The following STK38 variants were observed in gnomAD, a reference collection of about 807,000 sequenced individuals.
STK38 encodes the protein serine/threonine-protein kinase 38.
Under a neutral mutation model 59.0 loss-of-function variants are expected in STK38, and 26 were observed. That is an observed-to-expected ratio of 0.44 (90% CI 0.32 to 0.61). STK38 has a LOEUF of 0.61. STK38 is among the 20% of genes least tolerant of loss of function. The pLI is 0.04. For synonymous variants in STK38, 175 were observed against 176.6 expected, an observed-to-expected ratio of 0.99 and a Z score of 0.07; for missense variants, 433 against 566.0, an observed-to-expected ratio of 0.76 and a Z score of 2.38.
chr6:36,524,318 T>C (rs775118736), intron 4 of STK38, 23 bp downstream of exon 4: 8 of 1,592,054 alleles, frequency 5.0e-6, no homozygotes, highest in Non-Finnish European at 6.8e-6. Flanking sequence ...TTTTTCTACT[T>C]GACAAGTAGC....
In STK38 at chr6:36,537,078, TA is replaced by T. The variant is rs375158631; in HGVS notation, c.131+2993del. Among the ~76,000 whole-genome samples, 427 of 152,116 alleles carry T rather than the reference TA, an allele frequency of 2.8e-3. 1 individual carries two copies. Among genetic ancestry groups the T allele is most frequent in the South Asian group, 6.6e-3 (32 of 4,828 alleles). On this transcript the variant is annotated intron_variant, in intron 2 of 13. Transcript: ENST00000229812. ...ACAAAGAACTCCTGCAACTCAATAATAAAGACAACTCCATTTTTTTAAATGC... is the reference window on the plus strand; with the variant it reads ...ACAAAGAACTCCTGCAACTCAATAATAAGACAACTCCATTTTTTTAAATGC...
chr6:36,542,457 A>G (rs1403764947), intron 1 of STK38, among the ~76,000 whole-genome samples: 2 of 152,224 alleles, frequency 1.3e-5, no homozygotes, highest in Admixed American at 1.3e-4. Flanking sequence ...ATGTGTTTAG[A>G]TAAGTTATAG....
chr6:36,504,570 G>C (rs1020597825), intron 9 of STK38, among the ~76,000 whole-genome samples: 1 of 152,150 alleles, frequency 6.6e-6, no homozygotes, highest in African/African-American at 2.4e-5. Context: ...GAGATAATAT[G>C]AAGATGACCT....
intron 4 of STK38, among the ~76,000 whole-genome samples, chr6:36,523,320 T>C (rs1307019612): frequency 7.0e-6 from 1 of 141,890 alleles, no homozygotes; most frequent in Non-Finnish European, 1.5e-5. Flanking sequence ...TGGAGTGCAA[T>C]GGTGCAATCT....
At chr6:36,500,948 T>C (rs996841899) in intron 9 of STK38, among the ~76,000 whole-genome samples, 1 of 151,892 alleles carries the variant, frequency 6.6e-6, no homozygotes, top group Admixed American at 6.6e-5. Flanking sequence ...TGTATATAGT[T>C]CTTGGAGGAA....
Position 36,495,934 on chromosome 6 carries a change from G to A in STK38, c.1268-20C>T, listed in dbSNP as rs1582397150. The A allele has an allele frequency of 1.2e-6, 2 of 1,613,054 alleles. No homozygotes were observed. Among genetic ancestry groups the A allele is most frequent in the South Asian group, 1.1e-5 (1 of 90,996 alleles). On this transcript the variant is annotated intron_variant, in intron 13 of 13. Transcript: ENST00000229812. The stretch of plus-strand genomic sequence containing the variant: ...TGGCCACTGGGAAAGAAATAGATGT[G>A]AGAGTTGATTCACTGCCTTGCCTCC...
intron 1 of STK38, among the ~76,000 whole-genome samples, chr6:36,545,890 A>C (rs1778043639): frequency 6.6e-6 from 1 of 152,246 alleles, no homozygotes; most frequent in African/African-American, 2.4e-5. Context: ...AAGGAAGTCA[A>C]ATGAAAACCA....
chr6:36,498,271 A>G, intron 11 of STK38, 92 bp downstream of exon 11: 7 of 1,492,152 alleles, frequency 4.7e-6, no homozygotes, highest in African/African-American at 1.4e-5. Context: ...GGAAACAGAA[A>G]GCAGATTCAG....
At chr6:36,499,800 A>T in intron 10 of STK38, 73 bp downstream of exon 10, 1 of 1,221,758 alleles carries the variant, frequency 8.2e-7, no homozygotes, top group Non-Finnish European at 1.2e-6. Context: ...TGCCAATTGA[A>T]ACAGAGGCTG....
At chr6:36,502,196 G>A (rs898252154) in intron 9 of STK38, among the ~76,000 whole-genome samples, 1 of 152,000 alleles carries the variant, frequency 6.6e-6, no homozygotes, top group African/African-American at 2.4e-5. Context: ...GGGCTGGAGT[G>A]CAGTGGTATG....
intron 4 of STK38, among the ~76,000 whole-genome samples, chr6:36,523,949 C>A (rs947414938): frequency 2.6e-5 from 4 of 152,082 alleles, no homozygotes; most frequent in Non-Finnish European, 4.4e-5. Flanking sequence ...ACTTTTGGTC[C>A]CAGTACTCAA....
chr6:36,508,134 CTG>C (rs1312131765), intron 7 of STK38, among the ~76,000 whole-genome samples: 2 of 152,052 alleles, frequency 1.3e-5, no homozygotes, highest in East Asian at 1.9e-4. Flanking sequence ...CAAGGTTTCC[CTG>C]TGTTTCCCAG....
chr6:36,521,387 T>G (rs1777371964), intron 5 of STK38, among the ~76,000 whole-genome samples: 1 of 152,106 alleles, frequency 6.6e-6, no homozygotes. Context: ...ACAATTTCTA[T>G]TTCTCAGCAT....
chr6:36,527,207 A>AAATAT (rs60162863), intron 2 of STK38, among the ~76,000 whole-genome samples: 1,276 of 119,292 alleles, frequency 0.011, 22 homozygotes, highest in Non-Finnish European at 0.016. Context: ...AAAAAAAAAA[A>AAATAT]ATATATGTAT....
chr6:36,513,876 C>G (rs942195891), intron 7 of STK38, among the ~76,000 whole-genome samples: 16 of 133,808 alleles, frequency 1.2e-4, no homozygotes, highest in African/African-American at 4.4e-4. Context: ...AAAAAAAAGG[C>G]CAGGCTTGGT....
intron 12 of STK38, among the ~76,000 whole-genome samples, chr6:36,497,332 G>A (rs965612384): frequency 2.0e-5 from 3 of 152,208 alleles, no homozygotes; most frequent in Non-Finnish European, 4.4e-5. Flanking sequence ...GCTATTGGCC[G>A]TAGTCTACTA....
At chr6:36,505,411 T>C (rs533175742) in intron 9 of STK38, among the ~76,000 whole-genome samples, 22 of 152,288 alleles carry the variant, frequency 1.4e-4, no homozygotes, top group South Asian at 8.3e-4. Context: ...CCCAAGTAAA[T>C]ATTGTCTGAG....
rs1208602892 is a variant in STK38 at position 36,530,357 on chromosome 6, A to C, written c.132-4715T>G. Reference sequence around the variant, plus strand: ...CATCTCCATGATTAAAATTCAGAAAATGTCTAATAAATACTTTTTTTTTTG... The same window carrying C: ...CATCTCCATGATTAAAATTCAGAAACTGTCTAATAAATACTTTTTTTTTTG... On this transcript the variant is annotated intron_variant, in intron 2 of 13. Coordinates refer to ENST00000229812, the MANE Select transcript of STK38 (RefSeq NM_007271.4). Among the ~76,000 whole-genome samples the C allele has an allele frequency of 6.0e-5, 9 of 150,966 alleles. No individual in the cohort carries two copies. The Admixed American group carries it at 6.0e-4, about 10-fold the overall frequency.
chr6:36,500,511 C>G (rs573589328), intron 9 of STK38, among the ~76,000 whole-genome samples: 12 of 151,986 alleles, frequency 7.9e-5, no homozygotes, highest in Non-Finnish European at 1.5e-4. Context: ...CCTGTAATCC[C>G]AGCACTTTGA....
Sources: gnomAD v4.1 joint callset for allele counts (sites outside exome capture counted in the v4.1 genomes callset) on GRCh38, gnomAD v4.1.1 for gene constraint, MANE v1.5 for transcripts, NCBI Gene and HGNC (gene_info 2026-07-23, HGNC 2026-07-21) for gene names.